FAM193A: variants seen among roughly 807,000 people sequenced by gnomAD.
FAM193A encodes the protein protein FAM193A.
A neutral mutation model predicts 126.5 loss-of-function variants in FAM193A; 22 were observed. The observed-to-expected ratio is 0.17, with a 90% CI of 0.12 to 0.25. The LOEUF (loss-of-function observed/expected upper bound fraction) is 0.25. Ranked by LOEUF, FAM193A falls within the 10% of genes least tolerant of loss-of-function variation. The pLI is 1.00. For synonymous variants in FAM193A, 761 were observed against 646.8 expected (o/e 1.18, Z -2.68); for missense variants, 1,675 against 1,672.8 (o/e 1.00, Z -0.02).
At chr4:2,583,800 GTGTT>G (rs1331473761) in intron 1 of FAM193A, among the ~76,000 whole-genome samples, 1 of 152,200 alleles carries the variant, frequency 6.6e-6, no homozygotes, top group Non-Finnish European at 1.5e-5. Context: ...TTATGGGCCA[GTGTT>G]TGTTCTGTAA....
At chr4:2,727,040 C>A (rs1006550258) in intron 20 of FAM193A, among the ~76,000 whole-genome samples, 1 of 151,528 alleles carries the variant, frequency 6.6e-6, no homozygotes, top group African/African-American at 2.4e-5. Flanking sequence ...GCGGGCGGAT[C>A]ACGAGGTCAA....
At chr4:2,558,535 C>G (rs1277467811) in intron 1 of FAM193A, among the ~76,000 whole-genome samples, 1 of 152,150 alleles carries the variant, frequency 6.6e-6, no homozygotes, top group Non-Finnish European at 1.5e-5. Context: ...GCACGGGCCA[C>G]CACACCCAGC....
At chr4:2,592,248 C>G (rs1289709442) in intron 1 of FAM193A, among the ~76,000 whole-genome samples, 1 of 152,082 alleles carries the variant, frequency 6.6e-6, no homozygotes, top group Non-Finnish European at 1.5e-5. Context: ...GCCACCACAC[C>G]CGGCTAATTT....
Position 2,732,083 on chromosome 4 carries a change from C to T in FAM193A, c.*215C>T, listed in dbSNP as rs1721464921. 3.5e-6 allele frequency: 2 copies of T among 577,734 alleles called. No individual in the cohort carries two copies. The highest frequency in any genetic ancestry group is 6.2e-6 in the Non-Finnish European group (2 of 320,938). The allele number at this position is 577,734 out of a possible 1,614,324, so 35.8% of individuals were successfully genotyped here. ...GCGTGAGACTCCTTCGATTGTAGCT[C>T]TGTGCTGTCGGATTGGAACAGTAGT... On this transcript the variant is annotated 3_prime_UTR_variant, in exon 21 of 21. Transcript: ENST00000637812.
At position 2,646,781 on chromosome 4, in the gene FAM193A, C is replaced by A; in HGVS notation, c.1260C>A (p.Ala420=). Reference sequence around the variant, plus strand: ...CCGAGGAGGAGCTGCGCAGAGTCGCCGAGGAGTGGCTGGAGTGCCAGAAGA... The same window carrying A: ...CCGAGGAGGAGCTGCGCAGAGTCGCAGAGGAGTGGCTGGAGTGCCAGAAGA... ...QRSEEELRRV[A]EEWLECQKRI... is the part of the protein sequence containing the mutation. The change falls in exon 7 of 21, where the codon GCC becomes GCA. Residue 420 remains alanine, a synonymous_variant. Transcript: ENST00000637812. 1.2e-6 allele frequency: 2 copies of A among 1,613,958 alleles called. No individual in the cohort carries two copies. The highest frequency in any genetic ancestry group is 1.7e-6 in the Non-Finnish European group (2 of 1,179,940).
intron 1 of FAM193A, among the ~76,000 whole-genome samples, chr4:2,567,975 C>G (rs1337893455): frequency 6.6e-6 from 1 of 152,194 alleles, no homozygotes; most frequent in African/African-American, 2.4e-5. Context: ...GTCATGGCTT[C>G]TGCCTTCGCC....
chr4:2,637,282 A>T (rs1310970661), intron 5 of FAM193A, among the ~76,000 whole-genome samples: 3 of 152,140 alleles, frequency 2.0e-5, no homozygotes, highest in African/African-American at 7.2e-5. Flanking sequence ...AGCCAAGATT[A>T]CACCACTGCA....
intron 1 of FAM193A, among the ~76,000 whole-genome samples, chr4:2,592,385 G>C (rs1253263412): frequency 6.6e-6 from 1 of 152,180 alleles, no homozygotes; most frequent in Admixed American, 6.5e-5. Context: ...ACCGCGCCCA[G>C]CCTGCTACAT....
intron 19 of FAM193A, among the ~76,000 whole-genome samples, chr4:2,704,990 C>T (rs1335212849): frequency 6.6e-6 from 1 of 152,190 alleles, no homozygotes; most frequent in Non-Finnish European, 1.5e-5. Context: ...CGGCTCACTG[C>T]AAGCTCCGCC....
At chr4:2,710,172 T>TTTTC in intron 19 of FAM193A, among the ~76,000 whole-genome samples, 1 of 126,270 alleles carries the variant, frequency 7.9e-6, no homozygotes, top group Non-Finnish European at 1.7e-5. Context: ...TTTTTTTTTT[T>TTTTC]TTTTCTTTTT....
At chr4:2,671,755 A>G (rs984915029) in intron 12 of FAM193A, among the ~76,000 whole-genome samples, 1 of 152,220 alleles carries the variant, frequency 6.6e-6, no homozygotes, top group Non-Finnish European at 1.5e-5. Flanking sequence ...ACTACTTAGA[A>G]GCAGTGTGAG....
intron 1 of FAM193A, among the ~76,000 whole-genome samples, chr4:2,593,667 G>A (rs1403757466): frequency 3.9e-5 from 6 of 152,254 alleles, no homozygotes; most frequent in African/African-American, 7.2e-5. Flanking sequence ...TGAGCTGTGC[G>A]CTCTCTGGTC....
chr4:2,704,834 TTG>T (rs1718130314), intron 19 of FAM193A, among the ~76,000 whole-genome samples: 1 of 152,220 alleles, frequency 6.6e-6, no homozygotes, highest in African/African-American at 2.4e-5. Context: ...CTATTTCTTT[TTG>T]TGTGTATGAA....
At chr4:2,615,161 G>T (rs951185910) in intron 2 of FAM193A, 1 of 152,240 alleles carries the variant, frequency 6.6e-6, no homozygotes, top group Non-Finnish European at 1.5e-5. Context: ...AGTCAAGAAG[G>T]AACAAAGAAA....
intron 13 of FAM193A, among the ~76,000 whole-genome samples, chr4:2,682,172 G>A (rs1715223465): frequency 6.6e-6 from 1 of 151,840 alleles, no homozygotes; most frequent in African/African-American, 2.4e-5. Flanking sequence ...ATTTAGTAAA[G>A]ACAGGGTTTC....
chr4:2,549,367 T>G (rs1467301682), intron 1 of FAM193A, among the ~76,000 whole-genome samples: 1 of 151,632 alleles, frequency 6.6e-6, no homozygotes, highest in African/African-American at 2.4e-5. Flanking sequence ...GTTATGACGA[T>G]TTTTTTCCCT....
At chr4:2,650,666 C>T (rs767077379) in intron 7 of FAM193A, among the ~76,000 whole-genome samples, 6 of 152,128 alleles carry the variant, frequency 3.9e-5, no homozygotes, top group African/African-American at 7.2e-5. Flanking sequence ...TCTCTGTTGA[C>T]GACATAGTGC....
chr4:2,636,410 G>C (rs1284363745), intron 5 of FAM193A, among the ~76,000 whole-genome samples: 1 of 152,108 alleles, frequency 6.6e-6, no homozygotes, highest in Admixed American at 6.6e-5. Context: ...GATCTTCTCT[G>C]AGAGTACACC....
chr4:2,666,773 T>G (rs1402271874), intron 12 of FAM193A, among the ~76,000 whole-genome samples: 3 of 152,248 alleles, frequency 2.0e-5, no homozygotes, highest in African/African-American at 7.2e-5. Flanking sequence ...TCATTTAAAT[T>G]GTCTAATGTG....
Sources: gnomAD v4.1 joint callset for allele counts (sites outside exome capture counted in the v4.1 genomes callset) on GRCh38, gnomAD v4.1.1 for gene constraint, MANE v1.5 for transcripts, NCBI Gene and HGNC (gene_info 2026-07-23, HGNC 2026-07-21) for gene names.